The following CACNB2 variants were observed in gnomAD, a reference collection of about 807,000 sequenced individuals.
CACNB2 encodes calcium voltage-gated channel auxiliary subunit beta 2.
In CACNB2, 42 loss-of-function variants were observed where a neutral mutation model predicts 73.3. The observed-to-expected ratio is 0.57, with a 90% CI of 0.45 to 0.74. CACNB2 has a LOEUF of 0.74. Ranked by LOEUF, CACNB2 falls within the 30% of genes least tolerant of loss-of-function variation. CACNB2 has a pLI of 0.00. For missense variants in CACNB2, 940 were observed against 853.0 expected, an observed-to-expected ratio of 1.10 and a Z score of -1.27; for synonymous variants, 348 against 310.3, an observed-to-expected ratio of 1.12 and a Z score of -1.28.
intron 9 of CACNB2, among the ~76,000 whole-genome samples, chr10:18,519,225 C>G (rs2051593643): frequency 6.6e-6 from 1 of 152,208 alleles, no homozygotes; most frequent in Non-Finnish European, 1.5e-5. Flanking sequence ...CAGTCTCACC[C>G]TCAATTCATG....
intron 6 of CACNB2, among the ~76,000 whole-genome samples, chr10:18,508,398 C>T (rs2050600678): frequency 6.6e-6 from 1 of 152,144 alleles, no homozygotes; most frequent in Non-Finnish European, 1.5e-5. Context: ...GAGGCCTATC[C>T]TGTTCCTTCT....
intron 2 of CACNB2, among the ~76,000 whole-genome samples, chr10:18,268,019 C>T (rs1031724495): frequency 5.9e-5 from 9 of 152,200 alleles, no homozygotes; most frequent in Non-Finnish European, 1.0e-4. Context: ...ACACTTGGCA[C>T]GGAGTAAGTA....
chr10:18,536,964 A>G (rs2053665715), intron 12 of CACNB2, among the ~76,000 whole-genome samples: 1 of 152,062 alleles, frequency 6.6e-6, no homozygotes, highest in Non-Finnish European at 1.5e-5. Context: ...TTTACATGCA[A>G]TGCCTTGAGG....
At chr10:18,347,943 A>G (rs1001363010) in intron 2 of CACNB2, among the ~76,000 whole-genome samples, 3 of 151,940 alleles carry the variant, frequency 2.0e-5, no homozygotes, top group African/African-American at 7.2e-5. Flanking sequence ...TCAACTTCCA[A>G]GTCTTTTACA....
chr10:18,514,094 A>G (rs900527838), intron 6 of CACNB2, 142 bp from the exon 7 acceptor site: 1 of 733,282 alleles, frequency 1.4e-6, no homozygotes, highest in African/African-American at 3.0e-5. Context: ...CCTTACCTTT[A>G]AATTTAATTT....
intron 2 of CACNB2, among the ~76,000 whole-genome samples, chr10:18,398,267 G>A (rs2043813418): frequency 1.3e-5 from 2 of 152,192 alleles, no homozygotes; most frequent in South Asian, 4.1e-4. Flanking sequence ...TTCAGATACT[G>A]AAACATGCTA....
At chr10:18,468,746 C>T (rs186666543) in intron 3 of CACNB2, among the ~76,000 whole-genome samples, 1 of 152,056 alleles carries the variant, frequency 6.6e-6, no homozygotes, top group East Asian at 2.0e-4. Flanking sequence ...ATTATAGGCA[C>T]GCACCACCAC....
chr10:18,353,325 G>T (rs776139659), intron 2 of CACNB2, among the ~76,000 whole-genome samples: 1 of 151,930 alleles, frequency 6.6e-6, no homozygotes, highest in Non-Finnish European at 1.5e-5. Flanking sequence ...CAGGAGAATC[G>T]CTTGAACCTG....
intron 3 of CACNB2, among the ~76,000 whole-genome samples, chr10:18,491,164 C>T (rs1486248116): frequency 1.3e-5 from 2 of 152,224 alleles, no homozygotes; most frequent in Non-Finnish European, 2.9e-5. Flanking sequence ...GAGTAAATGG[C>T]CCACTGGCCT....
At chr10:18,173,854 A>C (rs936522091) in intron 2 of CACNB2, among the ~76,000 whole-genome samples, 4 of 152,154 alleles carry the variant, frequency 2.6e-5, no homozygotes, top group Non-Finnish European at 5.9e-5. Flanking sequence ...GAAACTTTTA[A>C]ATGTTTAGAT....
intron 9 of CACNB2, among the ~76,000 whole-genome samples, chr10:18,519,268 G>T (rs1480916924): frequency 6.6e-6 from 1 of 152,052 alleles, no homozygotes; most frequent in African/African-American, 2.4e-5. Flanking sequence ...CCCAGGCATC[G>T]CACTAAATAT....
intron 2 of CACNB2, among the ~76,000 whole-genome samples, chr10:18,237,356 A>G (rs1423333913): frequency 2.0e-5 from 3 of 152,216 alleles, no homozygotes; most frequent in Non-Finnish European, 4.4e-5. Flanking sequence ...CCTTATAAGA[A>G]GAGAAAACCA....
At chr10:18,281,666 A>G (rs527723169) in intron 2 of CACNB2, among the ~76,000 whole-genome samples, 56 of 152,256 alleles carry the variant, frequency 3.7e-4, no homozygotes, top group African/African-American at 1.3e-3. Flanking sequence ...TAGTGTAGGT[A>G]ATTTCCTGGA....
chr10:18,369,954 A>C (rs2042509305), intron 2 of CACNB2, among the ~76,000 whole-genome samples: 1 of 152,226 alleles, frequency 6.6e-6, no homozygotes, highest in South Asian at 2.1e-4. Context: ...TTCTGTTCAG[A>C]AAATAATAAG....
intron 2 of CACNB2, among the ~76,000 whole-genome samples, chr10:18,338,946 C>A (rs2041124531): frequency 6.6e-6 from 1 of 151,812 alleles, no homozygotes; most frequent in African/African-American, 2.4e-5. Context: ...TCCTTTGTTG[C>A]CCAGGCTGGT....
chr10:18,310,598 T>A (rs1589008292), intron 2 of CACNB2, among the ~76,000 whole-genome samples: 1 of 29,342 alleles, frequency 3.4e-5, no homozygotes. Flanking sequence ...ATAGCAAAAC[T>A]CCATCTCAAA....
At chr10:18,514,139 T>G in intron 6 of CACNB2, 97 bp from the exon 7 acceptor site, 7 of 1,347,418 alleles carry the variant, frequency 5.2e-6, no homozygotes, top group Non-Finnish European at 7.4e-6. Context: ...ATGATAGTTT[T>G]TTTTACTATG....
intron 2 of CACNB2, among the ~76,000 whole-genome samples, 198 bp from the exon 3 acceptor site, chr10:18,401,726 A>C (rs571153593): frequency 6.6e-6 from 1 of 152,320 alleles, no homozygotes; most frequent in East Asian, 1.9e-4. Flanking sequence ...ATGGCAACTC[A>C]GTAGACACAA....
chr10:18,192,216 C>T (rs1430057460), intron 2 of CACNB2, among the ~76,000 whole-genome samples: 1 of 152,044 alleles, frequency 6.6e-6, no homozygotes, highest in African/African-American at 2.4e-5. Flanking sequence ...TCACCTGAAC[C>T]TTCAAGGATT....
Sources: gnomAD v4.1 joint callset for allele counts (sites outside exome capture counted in the v4.1 genomes callset) on GRCh38, gnomAD v4.1.1 for gene constraint, MANE v1.5 for transcripts, NCBI Gene and HGNC (gene_info 2026-07-23, HGNC 2026-07-21) for gene names.